SRRM1: variants seen among roughly 807,000 people sequenced by gnomAD.
The protein encoded by SRRM1 is serine and arginine repetitive matrix 1, also known as serine/arginine repetitive matrix protein 1.
Under a neutral mutation model 110.2 loss-of-function variants are expected in SRRM1, and 19 were observed. The ratio of observed to expected loss-of-function variants is 0.17; its 90% CI spans 0.12 to 0.25. The LOEUF is 0.25. SRRM1 is among the 10% of genes least tolerant of loss of function. SRRM1 has a pLI of 1.00. For synonymous variants in SRRM1, 443 were observed against 414.9 expected, an observed-to-expected ratio of 1.07 and a Z score of -0.82; for missense variants, 918 against 1,145.8, an observed-to-expected ratio of 0.80 and a Z score of 2.87.
chr1:24,648,717 A>C lies in SRRM1; in HGVS notation c.235-142A>C, dbSNP rs878857659. ...GAAGCTACTAGGGAAGACTATTTGT[A>C]AAATAGTAAGGACTATATATATGTC... On this transcript the variant is annotated intron_variant, in intron 3 of 16. Coordinates refer to ENST00000323848, the MANE Select transcript of SRRM1 (RefSeq NM_005839.4). The C allele has an allele frequency of 9.3e-6, 6 of 643,952 alleles. No individual in the cohort carries two copies. The South Asian group carries it at 1.4e-4, about 15-fold the overall frequency. The allele number at this position is 643,952 out of a possible 1,614,324, so 39.9% of individuals were successfully genotyped here.
chr1:24,649,885 A>T, intron 4 of SRRM1, 86 bp from the exon 5 acceptor site: 3 of 1,188,704 alleles, frequency 2.5e-6, no homozygotes, highest in South Asian at 3.6e-5. Flanking sequence ...TGATAATAGC[A>T]TTGGTGTTTA....
In SRRM1 at chr1:24,666,851, C is replaced by G; in HGVS notation, c.1665C>G (p.Thr555=). The G allele has an allele frequency of 6.2e-7, 1 of 1,613,500 alleles. No homozygotes were observed. Among genetic ancestry groups the G allele is most frequent in the Non-Finnish European group, 8.5e-7 (1 of 1,179,818 alleles). The stretch of plus-strand genomic sequence containing the variant: ...GGAGAAGTCCATCCCCACCACCCAC[C>G]AGAAGGCGACGGTCTCCTTCTCCCG... The part of the protein sequence containing the change: ...RRRRSPSPPP[T]RRRRSPSPAP... Residue 555 remains threonine, a synonymous_variant, in exon 13 of 17, where the codon ACC becomes ACG. Coordinates refer to ENST00000323848, the MANE Select transcript of SRRM1 (RefSeq NM_005839.4).
chr1:24,664,998 C>T (rs1013355339), intron 12 of SRRM1, among the ~76,000 whole-genome samples: 5 of 151,370 alleles, frequency 3.3e-5, no homozygotes, highest in Admixed American at 2.6e-4. Flanking sequence ...TTTTGTTTCT[C>T]GTCATTTAAA....
chr1:24,654,824 A>G (rs773071531), intron 8 of SRRM1, 31 bp from the exon 9 acceptor site: 1 of 1,612,412 alleles, frequency 6.2e-7, no homozygotes, highest in South Asian at 1.1e-5. Flanking sequence ...ATAAGTGTGC[A>G]ATTAGTGAAT....
At chr1:24,660,862 T>A in intron 10 of SRRM1, 63 bp downstream of exon 10, 1 of 1,235,890 alleles carries the variant, frequency 8.1e-7, no homozygotes, top group Non-Finnish European at 1.2e-6. Context: ...TAAAGCTGAT[T>A]TTGATTTTTT....
At chr1:24,663,313 TA>T in intron 12 of SRRM1, 1 of 992,258 alleles carries the variant, frequency 1.0e-6, no homozygotes, top group Non-Finnish European at 1.5e-6. Context: ...ATCTCATTCT[TA>T]AATATATGGT....
At chr1:24,657,457 C>T (rs1382538772) in intron 9 of SRRM1, among the ~76,000 whole-genome samples, 4 of 152,190 alleles carry the variant, frequency 2.6e-5, no homozygotes, top group East Asian at 1.9e-4. Context: ...AATTCTTTAG[C>T]TTCTCTATCT....
intron 11 of SRRM1, 94 bp from the exon 12 acceptor site, chr1:24,662,565 AC>A (rs974243811): frequency 1.6e-6 from 2 of 1,221,236 alleles, no homozygotes; most frequent in African/African-American, 3.1e-5. Flanking sequence ...ATGCTTGCTT[AC>A]CCTAGTGAAC....
chr1:24,661,215 C>A (rs1667076603), intron 10 of SRRM1, 95 bp from the exon 11 acceptor site: 1 of 798,764 alleles, frequency 1.3e-6, no homozygotes, highest in South Asian at 1.9e-5. Flanking sequence ...TTGATCCAAC[C>A]AAATGAAGGT....
rs146544792 is a variant in SRRM1, at chr1:24,670,126, T to C, written c.2211T>C (p.Ala737=). Residue 737 remains alanine, a synonymous_variant, in exon 15 of 17, where the codon GCT becomes GCC. Transcript: ENST00000323848. ...TPEPKKIKKA[A]SPSPQSVRRV... ...TTTTTTCCTTTTTGTCTAGGGCTGC[T>C]TCCCCAAGCCCACAGTCTGTAAGAA... The C allele has an allele frequency of 2.6e-4, 408 of 1,577,630 alleles. 1 individual carries two copies. The highest frequency in any genetic ancestry group is 6.2e-4 in the Admixed American group (31 of 50,080).
intron 4 of SRRM1, among the ~76,000 whole-genome samples, chr1:24,649,508 G>A (rs1316039710): frequency 4.6e-5 from 7 of 152,114 alleles, no homozygotes; most frequent in Non-Finnish European, 4.4e-5. Context: ...TAGTACAGAC[G>A]GGATTTTGCC....
chr1:24,648,771 C>T, intron 3 of SRRM1, 88 bp from the exon 4 acceptor site: 7 of 1,219,104 alleles, frequency 5.7e-6, no homozygotes, highest in Admixed American at 4.4e-5. Context: ...TTAAAAAATA[C>T]TAATTTAAAT....
intron 3 of SRRM1, chr1:24,647,002 G>T: frequency 2.5e-6 from 1 of 395,068 alleles, no homozygotes; most frequent in Non-Finnish European, 4.5e-6. Flanking sequence ...CAAACTTATT[G>T]TTTGTAATTT....
intron 9 of SRRM1, among the ~76,000 whole-genome samples, chr1:24,655,353 C>T (rs1446591472): frequency 6.6e-6 from 1 of 152,084 alleles, no homozygotes; most frequent in African/African-American, 2.4e-5. Context: ...TGTGGCATTG[C>T]GCAGGTGGAG....
intron 15 of SRRM1, 141 bp downstream of exon 15, chr1:24,670,456 C>A: frequency 2.2e-6 from 2 of 893,718 alleles, no homozygotes; most frequent in Non-Finnish European, 3.3e-6. Context: ...TGATCTTGGG[C>A]AGGTTTCTGT....
chr1:24,660,803 A>C lies in SRRM1; in HGVS notation c.1396+4A>C. The C allele has an allele frequency of 1.3e-6, 2 of 1,575,236 alleles. No individual in the cohort carries two copies. The highest frequency in any genetic ancestry group is 1.7e-6 in the Non-Finnish European group (2 of 1,164,118). On this transcript the variant is annotated splice_donor_region_variant and intron_variant, in intron 10 of 16. Transcript: ENST00000323848. ...AAAGTAGAGTTATCTGAATCGGGTA[A>C]GTTTGTTGTTTTTTTTTGTGATTTT... is the stretch of plus-strand genomic sequence containing the variant.
chr1:24,672,592 C>T lies in SRRM1; in HGVS notation c.*306C>T, dbSNP rs1292547715. ...CATTTTTATGGTTCCTTTAAATGCCCTAGCTATTCCCAGAGGGGTTTTTTT... is the reference window on the plus strand; with the variant it reads ...CATTTTTATGGTTCCTTTAAATGCCTTAGCTATTCCCAGAGGGGTTTTTTT... On this transcript the variant is annotated 3_prime_UTR_variant, in exon 17 of 17. Coordinates refer to ENST00000323848, the MANE Select transcript of SRRM1 (RefSeq NM_005839.4). 5.8e-6 allele frequency: 1 copy of T among 171,428 alleles called. No homozygotes were observed. Among genetic ancestry groups the T allele is most frequent in the East Asian group, 1.6e-4 (1 of 6,418 alleles). 10.6% of individuals were successfully genotyped at this position (171,428 alleles called of 1,614,324 possible).
chr1:24,666,656 T>C, intron 12 of SRRM1, 159 bp from the exon 13 acceptor site: 2 of 572,544 alleles, frequency 3.5e-6, no homozygotes, highest in Non-Finnish European at 6.3e-6. Context: ...TCCCAACTAC[T>C]CAGGAGGCTG....
At chr1:24,643,713 G>A (rs957666987) in intron 1 of SRRM1, 6 of 303,314 alleles carry the variant, frequency 2.0e-5, no homozygotes, top group Non-Finnish European at 3.6e-5. Flanking sequence ...CCGAGTGGGA[G>A]GCCAAAGGAA....
Sources: gnomAD v4.1 joint callset for allele counts (sites outside exome capture counted in the v4.1 genomes callset) on GRCh38, gnomAD v4.1.1 for gene constraint, MANE v1.5 for transcripts, NCBI Gene and HGNC (gene_info 2026-07-23, HGNC 2026-07-21) for gene names.